The following RGS5 variants were observed in gnomAD, a reference collection of about 807,000 sequenced individuals.
The protein encoded by RGS5 is regulator of G protein signaling 5, also known as regulator of G-protein signalling 5.
RGS5 carries 20 observed loss-of-function variants against 18.9 expected under a neutral mutation model. That is an observed-to-expected ratio of 1.06 (90% CI 0.74 to 1.54). The LOEUF (loss-of-function observed/expected upper bound fraction) is 1.54, where lower values mean the gene tolerates loss of function less well. Among genes scored for constraint, RGS5 ranks in the 40% most tolerant of loss-of-function variants. The probability of loss-of-function intolerance (pLI) is 0.00; values close to 1 mark genes in which losing one functional copy is unlikely to be tolerated. For synonymous variants in RGS5, 57 were observed against 76.2 expected (o/e 0.75, Z 1.31); for missense variants, 201 against 211.8 (o/e 0.95, Z 0.32).
chr1:163,314,164 G>C (rs370323930), intron 1 of RGS5, among the ~76,000 whole-genome samples: 47 of 152,134 alleles, frequency 3.1e-4, no homozygotes, highest in African/African-American at 8.9e-4. Context: ...ATAAAATATT[G>C]TATAAAGGTG....
chr1:163,312,620 G>C (rs1350756951), intron 1 of RGS5, among the ~76,000 whole-genome samples: 2 of 152,144 alleles, frequency 1.3e-5, no homozygotes, highest in Non-Finnish European at 2.9e-5. Flanking sequence ...TTAAAGCAGA[G>C]AATACATTTT....
At chr1:163,214,327 T>C (rs373274073) in intron 1 of RGS5, among the ~76,000 whole-genome samples, 18 of 152,250 alleles carry the variant, frequency 1.2e-4, no homozygotes, top group African/African-American at 4.3e-4. Context: ...CTCTACTAAG[T>C]TCAGTTTCCC....
intron 2 of RGS5, chr1:163,237,804 T>G (rs1647670362): frequency 6.5e-6 from 1 of 153,390 alleles, no homozygotes. Context: ...ATGAAGACGA[T>G]GTCTCAGTCA....
chr1:163,180,946 C>G (rs7519464), intron 1 of RGS5, among the ~76,000 whole-genome samples: 31,185 of 151,844 alleles, frequency 0.21, 3,579 homozygotes, highest in African/African-American at 0.31. Flanking sequence ...CTCCCGCCTC[C>G]GCCTCCCAAA....
intron 1 of RGS5, among the ~76,000 whole-genome samples, chr1:163,312,937 T>C (rs2101651059): frequency 6.6e-6 from 1 of 152,354 alleles, no homozygotes; most frequent in Middle Eastern, 3.4e-3. Flanking sequence ...ATCTTGAGAT[T>C]AGAATCTTAG....
intron 2 of RGS5, among the ~76,000 whole-genome samples, chr1:163,287,363 C>A (rs1330156686): frequency 2.6e-5 from 4 of 152,182 alleles, no homozygotes; most frequent in Non-Finnish European, 4.4e-5. Flanking sequence ...TTCACCTATT[C>A]CCCCACCCCT....
chr1:163,279,963 T>C (rs747694915), intron 2 of RGS5, among the ~76,000 whole-genome samples: 10 of 152,054 alleles, frequency 6.6e-5, no homozygotes, highest in South Asian at 2.1e-4. Context: ...CAGGTAGAAA[T>C]AGAAATTCTG....
intron 2 of RGS5, among the ~76,000 whole-genome samples, chr1:163,223,892 C>T (rs1338061198): frequency 4.6e-5 from 7 of 152,120 alleles, no homozygotes; most frequent in African/African-American, 1.7e-4. Flanking sequence ...AACATAAGGT[C>T]ATGGTGGTAA....
In RGS5 at chr1:163,302,898, C is replaced by A. The variant is rs970211355; in HGVS notation, c.-281+3335G>T. Among the ~76,000 whole-genome samples, 5 of 152,272 alleles carry A rather than the reference C, an allele frequency of 3.3e-5. No individual in the cohort carries two copies. In the South Asian group the frequency reaches 1.0e-3, roughly 32 times the overall value. On this transcript the variant is annotated intron_variant, in intron 2 of 5. Coordinates refer to the RGS5 transcript ENST00000618415. ...CTCCCTCCTGCAAACCTTTATAGCA[C>A]TCTCTTAGTATATTTCTCATGAACT...
rs1657110323 is a variant in RGS5, at chr1:163,145,889, ATCT to A, written c.*1450_*1452del. The A allele has an allele frequency of 6.6e-6, 1 of 152,190 alleles. No individual in the cohort carries two copies. The highest frequency in any genetic ancestry group is 1.5e-5 in the Non-Finnish European group (1 of 68,028). 9.4% of individuals were successfully genotyped at this position (152,190 alleles called of 1,614,324 possible). On this transcript the variant is annotated 3_prime_UTR_variant, in exon 5 of 5. Coordinates refer to ENST00000313961, the MANE Select transcript of RGS5 (RefSeq NM_003617.4). ...AGGAAATACAAGACTAGACAATGTA[ATCT>A]TCTACTTAACATTTCAGAATTTTAT...
intron 1 of RGS5, among the ~76,000 whole-genome samples, chr1:163,186,214 G>A (rs925177162): frequency 6.6e-6 from 1 of 151,614 alleles, no homozygotes; most frequent in Non-Finnish European, 1.5e-5. Context: ...GGGATTACAG[G>A]TGCCCACCAC....
intron 3 of RGS5, among the ~76,000 whole-genome samples, chr1:163,154,755 A>G (rs1657517767): frequency 1.3e-5 from 2 of 151,528 alleles, no homozygotes; most frequent in African/African-American, 4.8e-5. Flanking sequence ...TAAGTGCTAA[A>G]AGAAAAATAT....
intron 1 of RGS5, among the ~76,000 whole-genome samples, chr1:163,178,938 C>T (rs10917695): frequency 0.27 from 41,570 of 152,102 alleles, 6,819 homozygotes; most frequent in East Asian, 0.64. Flanking sequence ...TTTCCAGATC[C>T]CTATTCTATT....
chr1:163,204,138 T>C (rs570690298), upstream of RGS5, among the ~76,000 whole-genome samples: 40 of 152,186 alleles, frequency 2.6e-4, no homozygotes, highest in Non-Finnish European at 5.4e-4. Flanking sequence ...CTGATGTTTT[T>C]AATGTAATAA....
Position 163,254,478 on chromosome 1 carries a change from G to A in RGS5, c.-281+51755C>T, listed in dbSNP as rs11586848. Among the ~76,000 whole-genome samples, 9 of 148,314 alleles carry A rather than the reference G, an allele frequency of 6.1e-5. No homozygotes were observed. The East Asian group carries it at 7.7e-4, about 13-fold the overall frequency. On this transcript the variant is annotated intron_variant, in intron 2 of 5. Transcript: ENST00000618415. ...TGAGAAGTGTCTGTTTATGTCCTTC[G>A]CCCACTTTTTGATGGGGTTGTTTTT... is the stretch of plus-strand genomic sequence containing the variant.
chr1:163,143,187 A>G lies in RGS5; in HGVS notation c.*4155T>C, dbSNP rs1656991133. On this transcript the variant is annotated 3_prime_UTR_variant, in exon 5 of 5. Coordinates refer to ENST00000313961, the MANE Select transcript of RGS5 (RefSeq NM_003617.4). ...GTTTAACACAAACAGTAGCTGCTAAATTGTTAACTAAAGAGCCTTGTGCGA... is the reference window on the plus strand; with the variant it reads ...GTTTAACACAAACAGTAGCTGCTAAGTTGTTAACTAAAGAGCCTTGTGCGA... The G allele has an allele frequency of 6.6e-6, 1 of 152,214 alleles. No individual in the cohort carries two copies. The highest frequency in any genetic ancestry group is 2.4e-5 in the African/African-American group (1 of 41,466). 9.4% of individuals were successfully genotyped at this position (152,214 alleles called of 1,614,324 possible).
chr1:163,143,105 CT>C lies in RGS5; in HGVS notation c.*4236del, dbSNP rs1239527838. ...GATGTGTAAGTGATGCTGGGAAAGC[CT>C]TTCTTTAAATAGTCATTGCTCTCGT... On this transcript the variant is annotated 3_prime_UTR_variant, in exon 5 of 5. Coordinates refer to ENST00000313961, the MANE Select transcript of RGS5 (RefSeq NM_003617.4). 6.6e-6 allele frequency: 1 copy of C among 152,108 alleles called. No homozygotes were observed. Among genetic ancestry groups the C allele is most frequent in the Non-Finnish European group, 1.5e-5 (1 of 68,008 alleles). 9.4% of individuals were successfully genotyped at this position (152,108 alleles called of 1,614,324 possible).
upstream of RGS5, among the ~76,000 whole-genome samples, chr1:163,205,319 TTG>T (rs1427275482): frequency 1.0e-4 from 15 of 147,524 alleles, no homozygotes; most frequent in African/African-American, 3.8e-4. Context: ...AGAGAATAGT[TTG>T]TGTTACGTGT....
chr1:163,242,982 T>C (rs1170503131), intron 2 of RGS5, among the ~76,000 whole-genome samples: 2 of 152,202 alleles, frequency 1.3e-5, no homozygotes, highest in Non-Finnish European at 2.9e-5. Flanking sequence ...GCAAACATTC[T>C]ACACTCAGAA....
Sources: gnomAD v4.1 joint callset for allele counts (sites outside exome capture counted in the v4.1 genomes callset) on GRCh38, gnomAD v4.1.1 for gene constraint, MANE v1.5 for transcripts, NCBI Gene and HGNC (gene_info 2026-07-23, HGNC 2026-07-21) for gene names.